The following LIMS1 variants were observed in gnomAD, a reference collection of about 807,000 sequenced individuals.
LIMS1 encodes LIM zinc finger domain containing 1, also known as LIM and senescent cell antigen-like-containing domain protein 1.
In LIMS1, 18 loss-of-function variants were observed where a neutral mutation model predicts 44.1. The ratio of observed to expected loss-of-function variants is 0.41; its 90% CI spans 0.28 to 0.61. The LOEUF is 0.61. Ranked by LOEUF, LIMS1 falls within the 20% of genes least tolerant of loss-of-function variation. LIMS1 has a pLI of 0.32. For synonymous variants in LIMS1, 93 were observed against 149.1 expected (o/e 0.62, Z 2.74); for missense variants, 201 against 422.0 (o/e 0.48, Z 4.59).
intron 2 of LIMS1, 107 bp from the exon 3 acceptor site, chr2:108,670,674 G>A: frequency 1.4e-6 from 1 of 714,098 alleles, no homozygotes; most frequent in Admixed American, 2.7e-5. Context: ...AATTCTTAGA[G>A]TAGAACTCTT....
At chr2:108,607,335 C>G (rs1398569831) in intron 1 of LIMS1, 7 of 1,331,122 alleles carry the variant, frequency 5.3e-6, no homozygotes, top group Non-Finnish European at 7.4e-6. Flanking sequence ...CACCAGTTGT[C>G]TGGTATCTTC....
At chr2:108,598,031 A>G (rs1686807672) in intron 1 of LIMS1, among the ~76,000 whole-genome samples, 1 of 151,470 alleles carries the variant, frequency 6.6e-6, no homozygotes, top group Non-Finnish European at 1.5e-5. Flanking sequence ...CACCTGTTCT[A>G]CAGATGAATT....
intron 1 of LIMS1, among the ~76,000 whole-genome samples, chr2:108,624,970 T>C (rs1573480575): frequency 6.6e-6 from 1 of 151,826 alleles, no homozygotes; most frequent in East Asian, 1.9e-4. Context: ...TCCCAGCTAG[T>C]GAGGATGCTG....
intron 1 of LIMS1, among the ~76,000 whole-genome samples, chr2:108,589,784 T>C (rs1264095402): frequency 6.6e-6 from 1 of 152,202 alleles, no homozygotes; most frequent in Non-Finnish European, 1.5e-5. Flanking sequence ...TTTTTCTTTA[T>C]CTCGATAGTT....
intron 1 of LIMS1, among the ~76,000 whole-genome samples, chr2:108,610,592 C>T (rs1000437985): frequency 2.0e-5 from 3 of 152,146 alleles, no homozygotes; most frequent in African/African-American, 7.2e-5. Context: ...CCATATCTAA[C>T]AAACGAGTGA....
intron 1 of LIMS1, among the ~76,000 whole-genome samples, chr2:108,610,015 C>T (rs979068392): frequency 2.0e-4 from 30 of 152,024 alleles, no homozygotes; most frequent in African/African-American, 7.0e-4. Flanking sequence ...TGGTGGCAGG[C>T]GCCTGTAGTC....
intron 1 of LIMS1, among the ~76,000 whole-genome samples, chr2:108,599,985 CTT>C: frequency 6.6e-6 from 1 of 151,006 alleles, no homozygotes; most frequent in Non-Finnish European, 1.5e-5. Flanking sequence ...CTGTGGTTGT[CTT>C]TTCTCTTTGT....
At chr2:108,668,007 G>T (rs149089840) in intron 2 of LIMS1, among the ~76,000 whole-genome samples, 1 of 151,566 alleles carries the variant, frequency 6.6e-6, no homozygotes, top group South Asian at 2.1e-4. Flanking sequence ...TTGGTTGATC[G>T]AATCCAAGGA....
At chr2:108,674,683 T>C (rs1284399901) in intron 5 of LIMS1, among the ~76,000 whole-genome samples, 2 of 111,788 alleles carry the variant, frequency 1.8e-5, no homozygotes, top group South Asian at 6.5e-4. Flanking sequence ...ATCGCGCCAC[T>C]GCACTCCAGC....
intron 1 of LIMS1, 77 bp downstream of exon 1, chr2:108,534,671 G>T (rs1385724592): frequency 3.5e-6 from 3 of 866,888 alleles, no homozygotes; most frequent in East Asian, 2.4e-4. Flanking sequence ...GCCGGGCCGG[G>T]CCTGGCGCGG....
chr2:108,534,501 C>G (rs1363464044), exon 1 of LIMS1: 3 of 1,163,938 alleles, frequency 2.6e-6, no homozygotes, highest in Non-Finnish European at 3.2e-6. Context: ...GGGACTAGGA[C>G]GCGGCTGGAG....
intron 1 of LIMS1, among the ~76,000 whole-genome samples, chr2:108,585,603 T>C (rs1193161430): frequency 1.3e-5 from 2 of 151,794 alleles, no homozygotes; most frequent in South Asian, 2.1e-4. Context: ...TCAGGGAGAA[T>C]GTGCGCAATG....
chr2:108,593,897 A>T (rs927488138), intron 1 of LIMS1, among the ~76,000 whole-genome samples: 1 of 152,258 alleles, frequency 6.6e-6, no homozygotes, highest in African/African-American at 2.4e-5. Context: ...GGACCATTGT[A>T]GAATCCTTCA....
chr2:108,648,208 A>T (rs1243974113), intron 1 of LIMS1, among the ~76,000 whole-genome samples: 1 of 152,206 alleles, frequency 6.6e-6, no homozygotes, highest in African/African-American at 2.4e-5. Context: ...GTAAACTCCC[A>T]TTCACAGTTG....
intron 1 of LIMS1, among the ~76,000 whole-genome samples, chr2:108,560,671 CACAA>C (rs991928147): frequency 2.0e-5 from 3 of 151,946 alleles, no homozygotes; most frequent in Non-Finnish European, 4.4e-5. Flanking sequence ...CACTGCTAAA[CACAA>C]ACACACACAC....
chr2:108,601,509 A>C (rs1185726490), intron 1 of LIMS1, among the ~76,000 whole-genome samples: 2 of 152,194 alleles, frequency 1.3e-5, no homozygotes, highest in African/African-American at 4.8e-5. Flanking sequence ...ATTGTTTTTT[A>C]ATAACTAACG....
intron 1 of LIMS1, among the ~76,000 whole-genome samples, chr2:108,551,291 CTATATA>C (rs893773624): frequency 6.8e-6 from 1 of 146,346 alleles, no homozygotes; most frequent in South Asian, 2.1e-4. Flanking sequence ...TTCACTCATA[CTATATA>C]TATATAAATA....
intron 1 of LIMS1, among the ~76,000 whole-genome samples, chr2:108,585,614 AGAG>A (rs1490257237): frequency 6.6e-6 from 1 of 152,124 alleles, no homozygotes; most frequent in Non-Finnish European, 1.5e-5. Flanking sequence ...GTGCGCAATG[AGAG>A]GAGCAGAAAG....
chr2:108,557,520 CT>C (rs564272309), intron 1 of LIMS1, among the ~76,000 whole-genome samples: 208 of 146,712 alleles, frequency 1.4e-3, no homozygotes, highest in African/African-American at 1.4e-3. Flanking sequence ...ATAGTAGGAA[CT>C]TTTTTTTTTT....
Sources: gnomAD v4.1 joint callset for allele counts (sites outside exome capture counted in the v4.1 genomes callset) on GRCh38, gnomAD v4.1.1 for gene constraint, MANE v1.5 for transcripts, NCBI Gene and HGNC (gene_info 2026-07-23, HGNC 2026-07-21) for gene names.